Variants in FABP7 observed in about 807,000 individuals in gnomAD.
The protein encoded by FABP7 is fatty acid-binding protein, brain.
A neutral mutation model predicts 14.2 loss-of-function variants in FABP7; 13 were observed. The observed-to-expected ratio is 0.91, with a 90% CI of 0.59 to 1.45. The LOEUF (loss-of-function observed/expected upper bound fraction) is 1.45, where lower values mean the gene tolerates loss of function less well. FABP7 is among the 40% of genes most tolerant of loss of function. FABP7 has a pLI of 0.00. For synonymous variants in FABP7, 49 were observed against 51.4 expected (o/e 0.95, Z 0.20); for missense variants, 149 against 157.6 (o/e 0.95, Z 0.29).
chr6:122,749,665 A>G, the FABP7 span, among the ~76,000 whole-genome samples: 8 of 152,188 alleles, frequency 5.3e-5, no homozygotes, highest in African/African-American at 9.6e-5. Flanking sequence ...AAATGCCACA[A>G]ATGTTTGTGG....
At chr6:122,780,192 C>G (rs1780748300) in intron 1 of FABP7, 99 bp from the exon 2 acceptor site, 2 of 1,248,558 alleles carry the variant, frequency 1.6e-6, no homozygotes, top group East Asian at 4.7e-5. Flanking sequence ...ATGAAACTTA[C>G]ACTTTAGAAC....
Position 122,783,781 on chromosome 6 carries a change from C to T in FABP7, c.*14C>T, listed in dbSNP as rs895963444. ...GAGAAGGCATAAAAATGTTCCTGGT[C>T]GGGGCTTGGAAGAGCTCTTCAGTTT... On this transcript the variant is annotated 3_prime_UTR_variant, in exon 4 of 4. Transcript: ENST00000368444. 37 of 1,604,982 alleles carry T rather than the reference C, an allele frequency of 2.3e-5. No individual in the cohort carries two copies. The highest frequency in any genetic ancestry group is 1.1e-4 in the East Asian group (5 of 44,484).
chr6:122,749,300 A>T, the FABP7 span, among the ~76,000 whole-genome samples: 1 of 152,160 alleles, frequency 6.6e-6, no homozygotes, highest in Non-Finnish European at 1.5e-5. Context: ...AGGATTGGAG[A>T]TCTGCACTTA....
the FABP7 span, among the ~76,000 whole-genome samples, chr6:122,755,858 A>C: frequency 3.3e-5 from 5 of 152,130 alleles, no homozygotes; most frequent in Non-Finnish European, 7.4e-5. Context: ...AAATTCACAC[A>C]GACACAGGTA....
upstream of FABP7, among the ~76,000 whole-genome samples, chr6:122,777,805 T>A (rs554699507): frequency 6.7e-6 from 1 of 149,702 alleles, no homozygotes; most frequent in African/African-American, 2.4e-5. Flanking sequence ...ATCGCGCCAC[T>A]GCACTCCAGC....
At chr6:122,770,365 A>G in the FABP7 span, among the ~76,000 whole-genome samples, 3 of 152,252 alleles carry the variant, frequency 2.0e-5, no homozygotes, top group African/African-American at 7.2e-5. Context: ...TCCTTGCTGC[A>G]TAACACAAGA....
chr6:122,753,259 T>C, the FABP7 span, among the ~76,000 whole-genome samples: 1 of 152,208 alleles, frequency 6.6e-6, no homozygotes, highest in South Asian at 2.1e-4. Flanking sequence ...ACTTCAAGAA[T>C]GGGCTCTAAA....
rs1780852557 is a variant in FABP7, at chr6:122,783,740, TG to T, written c.373del (p.Ala125LeufsTer37). On this transcript the variant is annotated frameshift_variant, in exon 4 of 4. Transcript: ENST00000368444. LOFTEE classifies it high-confidence loss of function. ...VMTLTFGDVVAVRHYEKA is the reference protein window; with the variant it reads ...VMTLTFGDVVXVRHYEKA ...AGACCCTTACTTTTGGTGATGTGGT[TG>T]CTGTTCGCCACTATGAGAAGGCATA... 1.9e-6 allele frequency: 3 copies of T among 1,607,612 alleles called. No individual in the cohort carries two copies. In the South Asian group the frequency reaches 3.4e-5, roughly 18 times the overall value.
At chr6:122,767,881 T>A in the FABP7 span, among the ~76,000 whole-genome samples, 235 of 151,900 alleles carry the variant, frequency 1.5e-3, 4 homozygotes, top group East Asian at 0.039. Context: ...GACAATGACA[T>A]AAAATATTAA....
At chr6:122,779,545 G>A (rs921995844), upstream of FABP7, 3 of 542,442 alleles carry the variant, frequency 5.5e-6, no homozygotes, top group African/African-American at 5.7e-5. Flanking sequence ...CCAGTGGCCT[G>A]AGCCAATCAC....
rs1347326957 is a variant in FABP7, at chr6:122,782,017, G to A, written c.348+823G>A. The A allele has an allele frequency of 4.2e-6, 4 of 961,796 alleles. No homozygotes were observed. The East Asian group carries it at 3.4e-4, about 83-fold the overall frequency. The allele number at this position is 961,796 out of a possible 1,614,324, so 59.6% of individuals were successfully genotyped here. On this transcript the variant is annotated intron_variant, in intron 3 of 3. Transcript: ENST00000368444. ...GCCTGCTGCCTCGGCCTCCCAGAGT[G>A]CTGGGATTACAGGCCTGAGCCAAGG...
the FABP7 span, among the ~76,000 whole-genome samples, chr6:122,750,065 A>G: frequency 6.6e-6 from 1 of 152,348 alleles, no homozygotes; most frequent in Non-Finnish European, 1.5e-5. Flanking sequence ...TTGTATTAAC[A>G]TACACAATAA....
At chr6:122,753,793 C>A in the FABP7 span, among the ~76,000 whole-genome samples, 3 of 99,636 alleles carry the variant, frequency 3.0e-5, no homozygotes, top group South Asian at 4.3e-4. Context: ...CGCCCCCCCC[C>A]CGCCCACAGA....
chr6:122,765,689 TC>T, the FABP7 span, among the ~76,000 whole-genome samples: 1 of 152,142 alleles, frequency 6.6e-6, no homozygotes, highest in East Asian at 1.9e-4. Flanking sequence ...TTTAATTTTT[TC>T]ATTACCTCAT....
intron 3 of FABP7, chr6:122,782,533 A>G (rs1055646849): frequency 6.1e-6 from 6 of 984,440 alleles, no homozygotes; most frequent in Non-Finnish European, 7.2e-6. Flanking sequence ...GAGTAGTATC[A>G]CAAACTAGGA....
chr6:122,773,674 C>T, the FABP7 span, among the ~76,000 whole-genome samples: 1 of 152,142 alleles, frequency 6.6e-6, no homozygotes, highest in Non-Finnish European at 1.5e-5. Context: ...ATTTTTGTTG[C>T]TGCATAACCT....
intron 2 of FABP7, 34 bp downstream of exon 2, chr6:122,780,497 G>T: frequency 6.3e-7 from 1 of 1,594,040 alleles, no homozygotes; most frequent in Non-Finnish European, 8.6e-7. Context: ...AGTGGGGATG[G>T]GGAGAGGGGA....
the FABP7 span, among the ~76,000 whole-genome samples, chr6:122,773,588 A>T: frequency 2.0e-5 from 3 of 152,142 alleles, no homozygotes; most frequent in Non-Finnish European, 2.9e-5. Context: ...CCAGCTACAG[A>T]GATATTCAAT....
At chr6:122,761,471 G>T in the FABP7 span, among the ~76,000 whole-genome samples, 1 of 152,026 alleles carries the variant, frequency 6.6e-6, no homozygotes, top group Non-Finnish European at 1.5e-5. Flanking sequence ...TTTTGAACCT[G>T]GCCAGTAATC....
Sources: allele counts gnomAD v4.1 joint callset (sites outside exome capture counted in the v4.1 genomes callset), GRCh38; gene constraint gnomAD v4.1.1; transcripts MANE v1.5; gene names NCBI Gene and HGNC (gene_info 2026-07-23, HGNC 2026-07-21).